PDGFD: variants seen among roughly 807,000 people sequenced by gnomAD.
PDGFD encodes platelet derived growth factor D, also known as platelet-derived growth factor D.
PDGFD carries 30 observed loss-of-function variants against 44.7 expected under a neutral mutation model. The observed-to-expected ratio is 0.67, with a 90% CI of 0.50 to 0.91. The LOEUF is 0.91. PDGFD is among the 40% of genes least tolerant of loss of function. PDGFD has a pLI of 0.00. For synonymous variants in PDGFD, 173 were observed against 168.4 expected (o/e 1.03, Z -0.21); for missense variants, 445 against 457.8 (o/e 0.97, Z 0.25).
At chr11:104,151,481 G>A (rs148231755) in intron 1 of PDGFD, among the ~76,000 whole-genome samples, 22 of 152,236 alleles carry the variant, frequency 1.4e-4, no homozygotes, top group African/African-American at 4.8e-4. Flanking sequence ...TTCAAAAAAT[G>A]TATGTGGAAA....
intron 1 of PDGFD, among the ~76,000 whole-genome samples, chr11:104,163,219 T>C (rs1444850588): frequency 6.6e-6 from 1 of 152,116 alleles, no homozygotes; most frequent in African/African-American, 2.4e-5. Context: ...CAGGGTGAAC[T>C]TCAATAGGAA....
intron 1 of PDGFD, among the ~76,000 whole-genome samples, chr11:104,025,164 C>T (rs1243351939): frequency 6.6e-6 from 1 of 152,220 alleles, no homozygotes; most frequent in Admixed American, 6.5e-5. Flanking sequence ...ATTGTAATTA[C>T]CAACTGCATA....
At chr11:103,960,799 C>A (rs866530363) in intron 3 of PDGFD, among the ~76,000 whole-genome samples, 1 of 152,124 alleles carries the variant, frequency 6.6e-6, no homozygotes, top group African/African-American at 2.4e-5. Context: ...GGAGTGCTGA[C>A]ATGGTTGGGC....
chr11:104,136,646 A>G (rs1054429352), intron 1 of PDGFD, among the ~76,000 whole-genome samples: 11 of 152,190 alleles, frequency 7.2e-5, no homozygotes, highest in Admixed American at 5.9e-4. Flanking sequence ...TACAACATCA[A>G]TGAAGTGTGA....
At chr11:104,045,764 A>C (rs1860431707) in intron 1 of PDGFD, among the ~76,000 whole-genome samples, 1 of 146,944 alleles carries the variant, frequency 6.8e-6, no homozygotes, top group African/African-American at 2.5e-5. Flanking sequence ...GTTTTCATGG[A>C]GCTATTGAAG....
chr11:103,945,252 A>C (rs933944839), intron 4 of PDGFD, among the ~76,000 whole-genome samples: 4 of 151,968 alleles, frequency 2.6e-5, no homozygotes, highest in Admixed American at 6.6e-5. Flanking sequence ...TCTGTTTCTG[A>C]TAGGTTGTCC....
chr11:104,038,637 C>T (rs1860296316), intron 1 of PDGFD: 1 of 167,042 alleles, frequency 6.0e-6, no homozygotes, highest in South Asian at 2.1e-4. Context: ...CAGCTAAAGA[C>T]TATTTTTGCC....
intron 1 of PDGFD, among the ~76,000 whole-genome samples, chr11:104,110,689 A>G (rs1383372728): frequency 6.6e-6 from 1 of 152,082 alleles, no homozygotes; most frequent in Admixed American, 6.6e-5. Context: ...CTTTTCTCCA[A>G]TCCCCTTATC....
chr11:104,078,566 T>A (rs1193433108), intron 1 of PDGFD, among the ~76,000 whole-genome samples: 1 of 152,220 alleles, frequency 6.6e-6, no homozygotes, highest in Non-Finnish European at 1.5e-5. Flanking sequence ...ATTTGCCTCC[T>A]TATATTTTTT....
chr11:104,131,949 G>A (rs939196273), intron 1 of PDGFD, among the ~76,000 whole-genome samples: 4 of 151,674 alleles, frequency 2.6e-5, no homozygotes, highest in Admixed American at 2.6e-4. Flanking sequence ...ATCTTTGGAT[G>A]TATGTTCAGA....
intron 1 of PDGFD, among the ~76,000 whole-genome samples, chr11:104,064,839 T>G (rs1267401850): frequency 6.6e-6 from 1 of 152,196 alleles, no homozygotes; most frequent in Admixed American, 6.5e-5. Context: ...AATACATAGT[T>G]AATACAAAAA....
rs570984167 is a variant in PDGFD at position 104,055,636 on chromosome 11, G to T, written c.125-55381C>A. Among the ~76,000 whole-genome samples the T allele has an allele frequency of 2.3e-3, 351 of 152,228 alleles. 1 individual carries two copies. Among genetic ancestry groups the T allele is most frequent in the African/African-American group, 8.0e-3 (331 of 41,528 alleles). On this transcript the variant is annotated intron_variant, in intron 1 of 6. Coordinates refer to ENST00000393158, the MANE Select transcript of PDGFD (RefSeq NM_025208.5). ...TAAAAACCTAAAACACACTATTAAG[G>T]TGACCAGTTTAAAATATTTTTTACT...
chr11:104,020,939 A>T lies in PDGFD; in HGVS notation c.125-20684T>A, dbSNP rs74365655. ...CAAGCTCTTAGATAATGCTACTCAA[A>T]GTGCCTGTCTGCTGTATGAAGAATA... On this transcript the variant is annotated intron_variant, in intron 1 of 6. Coordinates refer to ENST00000393158, the MANE Select transcript of PDGFD (RefSeq NM_025208.5). Among the ~76,000 whole-genome samples the T allele has an allele frequency of 0.021, 3,242 of 152,304 alleles. 198 individuals are homozygous for T. In the East Asian group the frequency reaches 0.26, roughly 12 times the overall value.
intron 1 of PDGFD, among the ~76,000 whole-genome samples, chr11:104,048,700 T>TA (rs1565320617): frequency 6.6e-6 from 1 of 152,150 alleles, no homozygotes. Flanking sequence ...TGCTGAGACA[T>TA]AAGTCCAATT....
At chr11:103,951,104 AAAACATAACTTTATCTTCTCTTAGCAAT>A (rs1394284347) in intron 3 of PDGFD, among the ~76,000 whole-genome samples, 42 of 152,240 alleles carry the variant, frequency 2.8e-4, no homozygotes, top group Non-Finnish European at 4.0e-4. Context: ...AGTCCCAGAT[AAAACATAACTTTATCTTCTCTTAGCAAT>A]ACAAATGTTA....
intron 1 of PDGFD, among the ~76,000 whole-genome samples, chr11:104,094,389 T>C (rs1275287689): frequency 6.6e-6 from 1 of 152,016 alleles, no homozygotes; most frequent in East Asian, 1.9e-4. Flanking sequence ...TTCTCATCCA[T>C]AAAATATAAT....
chr11:104,077,978 T>G (rs1214397997), intron 1 of PDGFD, among the ~76,000 whole-genome samples: 3 of 152,166 alleles, frequency 2.0e-5, no homozygotes, highest in African/African-American at 4.8e-5. Context: ...TCCAGACATG[T>G]CCCAAGTCCG....
chr11:104,074,743 C>A (rs1425515290), intron 1 of PDGFD, among the ~76,000 whole-genome samples: 1 of 152,028 alleles, frequency 6.6e-6, no homozygotes, highest in Non-Finnish European at 1.5e-5. Context: ...AGTGTGATAC[C>A]CATTTTATAC....
chr11:104,104,843 T>G (rs1030142464), intron 1 of PDGFD, among the ~76,000 whole-genome samples: 3 of 152,180 alleles, frequency 2.0e-5, no homozygotes, highest in Non-Finnish European at 4.4e-5. Context: ...GGTGGTAATA[T>G]TCACAACTAC....
Sources: allele counts gnomAD v4.1 joint callset (sites outside exome capture counted in the v4.1 genomes callset), GRCh38; gene constraint gnomAD v4.1.1; transcripts MANE v1.5; gene names NCBI Gene and HGNC (gene_info 2026-07-23, HGNC 2026-07-21).